FGL2: variants seen among roughly 807,000 people sequenced by gnomAD.
FGL2 encodes the protein fibrinogen like 2.
Under a neutral mutation model 36.0 loss-of-function variants are expected in FGL2, and 21 were observed. That is an observed-to-expected ratio of 0.58 (90% CI 0.41 to 0.84). FGL2 has a LOEUF of 0.84. FGL2 is among the 40% of genes least tolerant of loss of function. The pLI is 0.00. For missense variants in FGL2, 444 were observed against 526.3 expected (o/e 0.84, Z 1.53); for synonymous variants, 183 against 190.7 (o/e 0.96, Z 0.33).
chr7:77,199,184 G>A lies in FGL2; in HGVS notation c.610C>T (p.Pro204Ser). 2 of 1,612,284 alleles carry A rather than the reference G, an allele frequency of 1.2e-6. No homozygotes were observed. Among genetic ancestry groups the A allele is most frequent in the Non-Finnish European group, 1.7e-6 (2 of 1,178,936 alleles). ...AAGAAAACATTATTATACATACCTG[G>A]ACGTGACTGTATTTGTTCTTGGCTG... ...CPSQEQIQSR[P>S]VQHLIYKDCS... is the part of the protein sequence containing the mutation. The change falls in exon 1 of 2, where the codon CCA (proline) becomes TCA (serine). Residue 204 changes from proline to serine, a missense_variant. Coordinates refer to ENST00000248598, the MANE Select transcript of FGL2 (RefSeq NM_006682.3).
chr7:77,198,310 C>A (rs918823464), intron 1 of FGL2: 1 of 985,248 alleles, frequency 1.0e-6, no homozygotes, highest in Admixed American at 6.2e-5. Context: ...TTCAACCTCA[C>A]GTTCATGGTA....
chr7:77,196,692 C>G lies in FGL2; in HGVS notation c.907G>C (p.Asp303His), dbSNP rs1180702086. 8.7e-6 allele frequency: 14 copies of G among 1,614,214 alleles called. No individual in the cohort carries two copies. The highest frequency in any genetic ancestry group is 1.0e-5 in the Non-Finnish European group (12 of 1,180,012). ...TKSKEMILRI[D>H]LEDFNGVELY... is the part of the protein sequence containing the mutation. ...TCGACACCATTAAAGTCTTCAAGATCTATTCTCAGAATCATTTCCTTACTC... is the reference window on the plus strand; with the variant it reads ...TCGACACCATTAAAGTCTTCAAGATGTATTCTCAGAATCATTTCCTTACTC... Residue 303 changes from aspartate to histidine, a missense_variant, in exon 2 of 2, where the codon GAT (aspartate) becomes CAT (histidine). Asp to His is a moderately conservative substitution (Grantham distance 81). Transcript: ENST00000248598. The surrounding 1 kb of genome is among the most constrained non-coding windows in gnomAD (Gnocchi z 4.2).
In FGL2 at chr7:77,199,365, C is replaced by T. The variant is rs770598217; in HGVS notation, c.429G>A (p.Glu143=). The change falls in exon 1 of 2, where the codon GAG becomes GAA. Residue 143 remains glutamate, a synonymous_variant. Coordinates refer to ENST00000248598, the MANE Select transcript of FGL2 (RefSeq NM_006682.3). ...LESEVNKLSS[E]LKNAKEEINV... ...TGATCTCCTCTTTGGCATTCTTTAG[C>T]TCAGAGGACAGCTTGTTAACCTCAC... The T allele has an allele frequency of 1.9e-6, 3 of 1,613,998 alleles. No individual in the cohort carries two copies. The highest frequency in any genetic ancestry group is 2.7e-5 in the African/African-American group (2 of 74,906).
At chr7:77,198,135 C>T in intron 1 of FGL2, 4 of 985,398 alleles carry the variant, frequency 4.1e-6, no homozygotes, top group Non-Finnish European at 4.8e-6. Flanking sequence ...AGCGGTGAAC[C>T]TTGGATTCGC....
intron 1 of FGL2, 151 bp from the exon 2 acceptor site, chr7:77,197,136 T>C (rs1791888203): frequency 3.3e-6 from 2 of 602,624 alleles, no homozygotes; most frequent in Non-Finnish European, 5.8e-6. Flanking sequence ...TAGCAAATGC[T>C]TAAGGCCTCA....
chr7:77,196,644 A>G lies in FGL2; in HGVS notation c.955T>C (p.Phe319Leu), dbSNP rs1402472367. The G allele has an allele frequency of 6.2e-7, 1 of 1,613,994 alleles. No homozygotes were observed. The stretch of plus-strand genomic sequence containing the variant: ...TTGAGAAACTCATTAGCCACATAAA[A>G]CTGATCATACAAGGCATATAGTTCG... ...GVELYALYDQFYVANEFLKYR... is the reference protein window; with the variant it reads ...GVELYALYDQLYVANEFLKYR... The change falls in exon 2 of 2, where the codon TTT (phenylalanine) becomes CTT (leucine). Residue 319 changes from phenylalanine (F) to leucine (L), a missense_variant. Transcript: ENST00000248598. This position sits in a 1 kb window ranked among gnomAD's most constrained non-coding sequence, Gnocchi z 4.2.
At position 77,194,819 on chromosome 7, in the gene FGL2, T is replaced by C. The variant is rs1252483567; in HGVS notation, c.*1460A>G. The C allele has an allele frequency of 4.6e-5, 7 of 152,168 alleles. No individual in the cohort carries two copies. Among genetic ancestry groups the C allele is most frequent in the Admixed American group, 3.3e-4 (5 of 15,286 alleles). The allele number at this position is 152,168 out of a possible 1,614,324, so 9.4% of individuals were successfully genotyped here. On this transcript the variant is annotated 3_prime_UTR_variant, in exon 2 of 2. Coordinates refer to ENST00000248598, the MANE Select transcript of FGL2 (RefSeq NM_006682.3). ...AATACTGCTGTTCTCTCTGAGATGATCCCTTTTTACGATGATGAAATTAAA... is the reference window on the plus strand; with the variant it reads ...AATACTGCTGTTCTCTCTGAGATGACCCCTTTTTACGATGATGAAATTAAA...
At position 77,194,276 on chromosome 7, in the gene FGL2, T is replaced by C. The variant is rs1791823817; in HGVS notation, c.*2003A>G. On this transcript the variant is annotated 3_prime_UTR_variant, in exon 2 of 2. Transcript: ENST00000248598. ...TTGTACATATATTAATTATATATAC[T>C]AAATGACAATGACCTTATCTGAAAC... The C allele has an allele frequency of 6.6e-6, 1 of 152,104 alleles. No individual in the cohort carries two copies. The allele number at this position is 152,104 out of a possible 1,614,324, so 9.4% of individuals were successfully genotyped here.
In FGL2 at chr7:77,199,432, G is replaced by T; in HGVS notation, c.362C>A (p.Ala121Asp). Reference protein sequence around the residue: ...RNGLLLPSTGAPGEVGDNRVR... With the variant: ...RNGLLLPSTGDPGEVGDNRVR... ...TCTGTTATCACCAACCTCTCCCGGGGCTCCTGTACTGGGTAACAACAGTCC... is the reference window on the plus strand; with the variant it reads ...TCTGTTATCACCAACCTCTCCCGGGTCTCCTGTACTGGGTAACAACAGTCC... Residue 121 changes from alanine (A) to aspartate (D), a missense_variant, in exon 1 of 2, where the codon GCC becomes GAC. By Grantham distance (126) the Ala-to-Asp change is moderately radical. Transcript: ENST00000248598. 6.2e-7 allele frequency: 1 copy of T among 1,614,000 alleles called. No individual in the cohort carries two copies. Among genetic ancestry groups the T allele is most frequent in the Non-Finnish European group, 8.5e-7 (1 of 1,180,004 alleles).
At chr7:77,197,643 T>A (rs1300298932) in intron 1 of FGL2, among the ~76,000 whole-genome samples, 2 of 152,242 alleles carry the variant, frequency 1.3e-5, no homozygotes, top group African/African-American at 2.4e-5. Context: ...TTATAGCATA[T>A]ATTCCAAATG....
At chr7:77,198,974 G>A (rs1033278473) in intron 1 of FGL2, 3 of 556,408 alleles carry the variant, frequency 5.4e-6, no homozygotes, top group Non-Finnish European at 9.4e-6. Flanking sequence ...GACTTCCAGT[G>A]GATACAGAAC....
At position 77,193,643 on chromosome 7, in the gene FGL2, G is replaced by A. The variant is rs1284947362; in HGVS notation, c.*2636C>T. The A allele has an allele frequency of 6.6e-6, 1 of 152,036 alleles. No individual in the cohort carries two copies. Among genetic ancestry groups the A allele is most frequent in the African/African-American group, 2.4e-5 (1 of 41,388 alleles). 9.4% of individuals were successfully genotyped at this position (152,036 alleles called of 1,614,324 possible). A position where few individuals can be genotyped will look rare whatever the true frequency, so the allele number is the denominator to read the frequency against. On this transcript the variant is annotated 3_prime_UTR_variant, in exon 2 of 2. Coordinates refer to ENST00000248598, the MANE Select transcript of FGL2 (RefSeq NM_006682.3). ...TAAGCTCTTTATTTATTGAACAGAT[G>A]TGTCATTAATTCATTTGGAGCATTA...
At chr7:77,199,120 A>G in intron 1 of FGL2, 61 bp downstream of exon 1, 1 of 1,414,534 alleles carries the variant, frequency 7.1e-7, no homozygotes, top group Non-Finnish European at 9.7e-7. Flanking sequence ...TAATGTTTAT[A>G]GATACTCTCT....
Position 77,196,654 on chromosome 7 carries a change from C to G in FGL2, c.945G>C (p.Leu315Phe). ...EDFNGVELYA[L>F]YDQFYVANEF... is the part of the protein sequence containing the mutation. ...CATTAGCCACATAAAACTGATCATA[C>G]AAGGCATATAGTTCGACACCATTAA... The change falls in exon 2 of 2, where the codon TTG (leucine) becomes TTC (phenylalanine). Residue 315 changes from leucine to phenylalanine, a missense_variant. Physicochemically the swap from Leu to Phe is conservative, Grantham distance 22. Coordinates refer to ENST00000248598, the MANE Select transcript of FGL2 (RefSeq NM_006682.3). The surrounding 1 kb of genome is among the most constrained non-coding windows in gnomAD (Gnocchi z 4.2). 1 of 1,614,090 alleles carries G rather than the reference C, an allele frequency of 6.2e-7. No individual in the cohort carries two copies. The highest frequency in any genetic ancestry group is 2.2e-5 in the East Asian group (1 of 44,888).
At chr7:77,199,061 G>T in intron 1 of FGL2, 120 bp downstream of exon 1, 1 of 857,086 alleles carries the variant, frequency 1.2e-6, no homozygotes, top group Non-Finnish European at 1.8e-6. Flanking sequence ...TGTGCACCTT[G>T]ATAAATAAAA....
At chr7:77,197,735 A>G (rs1256726151) in intron 1 of FGL2, among the ~76,000 whole-genome samples, 2 of 152,220 alleles carry the variant, frequency 1.3e-5, no homozygotes, top group Admixed American at 6.5e-5. Context: ...AGCTCAAGTG[A>G]AAAAGAAGTA....
At chr7:77,197,950 G>A (rs1453249365) in intron 1 of FGL2, among the ~76,000 whole-genome samples, 1 of 152,060 alleles carries the variant, frequency 6.6e-6, no homozygotes, top group Non-Finnish European at 1.5e-5. Flanking sequence ...TGACAAATAA[G>A]GTAAGTTTAA....
Position 77,196,960 on chromosome 7 carries a change from G to C in FGL2, c.639C>G (p.Cys213Trp). The C allele has an allele frequency of 6.2e-7, 1 of 1,608,388 alleles. No individual in the cohort carries two copies. Among genetic ancestry groups the C allele is most frequent in the Non-Finnish European group, 8.5e-7 (1 of 1,177,064 alleles). ...RPVQHLIYKD[C>W]SDYYAIGKRS... Reference sequence around the variant, plus strand: ...TTTTGCCTATTGCGTAGTAGTCAGAGCAATCTTTATATATTAGATGTTGAA... The same window carrying C: ...TTTTGCCTATTGCGTAGTAGTCAGACCAATCTTTATATATTAGATGTTGAA... Residue 213 changes from cysteine (C) to tryptophan (W), a missense_variant, in exon 2 of 2, where the codon TGC becomes TGG. Transcript: ENST00000248598. This position sits in a 1 kb window ranked among gnomAD's most constrained non-coding sequence, Gnocchi z 4.2.
intron 1 of FGL2, 67 bp from the exon 2 acceptor site, chr7:77,197,052 T>C: frequency 1.0e-6 from 1 of 955,146 alleles, no homozygotes; most frequent in Non-Finnish European, 1.6e-6. Flanking sequence ...AAGAATTCTT[T>C]ATATGTACAA....
Sources: allele counts gnomAD v4.1 joint callset (sites outside exome capture counted in the v4.1 genomes callset), GRCh38; gene constraint gnomAD v4.1.1; non-coding constraint Gnocchi (gnomAD v3.1); transcripts MANE v1.5; gene names NCBI Gene and HGNC (gene_info 2026-07-23, HGNC 2026-07-21).